ABLIM2: variants seen among roughly 807,000 people sequenced by gnomAD.
ABLIM2 encodes actin-binding LIM protein 2.
In ABLIM2, 53 loss-of-function variants were observed where a neutral mutation model predicts 97.7. The ratio of observed to expected loss-of-function variants is 0.54; its 90% CI spans 0.44 to 0.68. The LOEUF (loss-of-function observed/expected upper bound fraction) is 0.68. Among genes scored for constraint, ABLIM2 ranks in the 30% least tolerant of loss-of-function variants. The pLI is 0.00. For synonymous variants in ABLIM2, 361 were observed against 345.8 expected (o/e 1.04, Z -0.49); for missense variants, 835 against 867.2 (o/e 0.96, Z 0.47).
At chr4:8,030,917 C>T (rs544706134) in intron 10 of ABLIM2, among the ~76,000 whole-genome samples, 45 of 152,262 alleles carry the variant, frequency 3.0e-4, no homozygotes, top group African/African-American at 1.1e-3. Context: ...CATGTTCTTC[C>T]AGCAGAACAG....
In ABLIM2 at chr4:8,033,480, C is replaced by T. The variant is rs892143645; in HGVS notation, c.1047+2669G>A. Among the ~76,000 whole-genome samples, 5 of 152,230 alleles carry T rather than the reference C, an allele frequency of 3.3e-5. No homozygotes were observed. The highest frequency in any genetic ancestry group is 5.9e-5 in the Non-Finnish European group (4 of 68,036). ...AAACCCTCAGGCTGCTCCCGGCCAT[C>T]GGCATAGAGGAAGCTCTGTATGGAC... On this transcript the variant is annotated intron_variant, in intron 10 of 20. Transcript: ENST00000447017. The surrounding 1 kb of genome is among the most constrained non-coding windows in gnomAD (Gnocchi z 4.5).
rs1011013739 is a variant in ABLIM2 at position 8,069,998 on chromosome 4, C to T, written c.675+7630G>A. Among the ~76,000 whole-genome samples the T allele has an allele frequency of 6.6e-6, 1 of 151,828 alleles. No homozygotes were observed. The highest frequency in any genetic ancestry group is 2.4e-5 in the African/African-American group (1 of 41,310). On this transcript the variant is annotated intron_variant, in intron 6 of 20. Coordinates refer to ENST00000447017, the MANE Select transcript of ABLIM2 (RefSeq NM_001130083.2). The surrounding 1 kb of genome is among the most constrained non-coding windows in gnomAD (Gnocchi z 4.2). ...TGCACGTCTTGTATGTGTATGTGAT[C>T]TGTGTGTCCTTTTGTGTGTTTGTGT... is the stretch of plus-strand genomic sequence containing the variant.
In ABLIM2 at chr4:8,130,060, G is replaced by A. The variant is rs931336962; in HGVS notation, c.11-23423C>T. On this transcript the variant is annotated intron_variant, in intron 1 of 20. Coordinates refer to ENST00000447017, the MANE Select transcript of ABLIM2 (RefSeq NM_001130083.2). The surrounding 1 kb of genome is among the most constrained non-coding windows in gnomAD (Gnocchi z 4.2). ...GGGTTCCCACGGAGAAGGAGCCTCA[G>A]ATTCCCCTGGCCTCCAGCCTGCTGT... Among the ~76,000 whole-genome samples the A allele has an allele frequency of 1.1e-4, 16 of 152,238 alleles. No individual in the cohort carries two copies. Among genetic ancestry groups the A allele is most frequent in the African/African-American group, 3.9e-4 (16 of 41,466 alleles).
chr4:8,071,952 G>C lies in ABLIM2; in HGVS notation c.675+5676C>G. On this transcript the variant is annotated intron_variant, in intron 6 of 20. Coordinates refer to ENST00000447017, the MANE Select transcript of ABLIM2 (RefSeq NM_001130083.2). The surrounding 1 kb of genome is among the most constrained non-coding windows in gnomAD (Gnocchi z 6.2). ...CACCGGCACACTGGGCCGAGCATCA[G>C]GCAGTGCCACCGCGGCGGCGGCAGC... The C allele has an allele frequency of 1.0e-6, 1 of 985,494 alleles. No homozygotes were observed. The highest frequency in any genetic ancestry group is 1.2e-6 in the Non-Finnish European group (1 of 830,004). 61.0% of individuals were successfully genotyped at this position (985,494 alleles called of 1,614,324 possible).
Position 8,027,754 on chromosome 4 carries a change from C to T in ABLIM2, c.1267+5G>A. On this transcript the variant is annotated splice_donor_5th_base_variant and intron_variant, in intron 12 of 20. Transcript: ENST00000447017. ...ACCCACAGCCCACATCACTGCGTGC[C>T]TTACCTCGGAAGTAGGGGATGTAAT... The T allele has an allele frequency of 6.3e-7, 1 of 1,575,690 alleles. No homozygotes were observed. Among genetic ancestry groups the T allele is most frequent in the East Asian group, 2.4e-5 (1 of 42,134 alleles).
intron 12 of ABLIM2, 40 bp downstream of exon 12, chr4:8,027,719 A>T: frequency 6.9e-7 from 1 of 1,448,582 alleles, no homozygotes; most frequent in South Asian, 1.4e-5. Context: ...GGGCGTGGAC[A>T]CCCATGAGCA....
chr4:8,022,098 C>T lies in ABLIM2; in HGVS notation c.1268-1795G>A, dbSNP rs62290635. ...GACTACGGCTGTGCTGGACCCATCCCCACTGGCAGCAAAACAGGGCAGGTT... is the reference window on the plus strand; with the variant it reads ...GACTACGGCTGTGCTGGACCCATCCTCACTGGCAGCAAAACAGGGCAGGTT... On this transcript the variant is annotated intron_variant, in intron 12 of 20. Coordinates refer to ENST00000447017, the MANE Select transcript of ABLIM2 (RefSeq NM_001130083.2). This position sits in a 1 kb window ranked among gnomAD's most constrained non-coding sequence, Gnocchi z 7.8. Among the ~76,000 whole-genome samples the T allele has an allele frequency of 0.21, 31,741 of 152,098 alleles. 4,078 individuals carry two copies. Among genetic ancestry groups the T allele is most frequent in the Non-Finnish European group, 0.3 (20,455 of 67,922 alleles).
At chr4:8,156,341 TG>T (rs1343072417) in intron 1 of ABLIM2, among the ~76,000 whole-genome samples, 1 of 152,132 alleles carries the variant, frequency 6.6e-6, no homozygotes, top group Non-Finnish European at 1.5e-5. Flanking sequence ...GCCATACTAC[TG>T]GGGAAACTGA....
rs1274331755 is a variant in ABLIM2 at position 8,003,560 on chromosome 4, T to C, written c.1618+4499A>G. On this transcript the variant is annotated intron_variant, in intron 16 of 20. Coordinates refer to ENST00000447017, the MANE Select transcript of ABLIM2 (RefSeq NM_001130083.2). This position sits in a 1 kb window ranked among gnomAD's most constrained non-coding sequence, Gnocchi z 4.2. ...GACCACTACGCTCTTCTTCCAGTTT[T>C]CTTTTTTTTTTTTTTTTTTTTTGGA... 1.3e-5 allele frequency among the ~76,000 whole-genome samples: 2 copies of C among 149,556 alleles called. No homozygotes were observed. Among genetic ancestry groups the C allele is most frequent in the African/African-American group, 4.9e-5 (2 of 40,604 alleles).
rs1711543325 is a variant in ABLIM2 at position 8,148,756 on chromosome 4, A to G, written c.10+9924T>C. On this transcript the variant is annotated intron_variant, in intron 1 of 20. Coordinates refer to ENST00000447017, the MANE Select transcript of ABLIM2 (RefSeq NM_001130083.2). The surrounding 1 kb of genome is among the most constrained non-coding windows in gnomAD (Gnocchi z 6.7). ...CAGAGTCGGAAAGATCCTCTAGGAC[A>G]AGCCCAACCCCAACAGAGATGAGGA... Among the ~76,000 whole-genome samples, 1 of 152,184 alleles carries G rather than the reference A, an allele frequency of 6.6e-6. No individual in the cohort carries two copies. Among genetic ancestry groups the G allele is most frequent in the Non-Finnish European group, 1.5e-5 (1 of 68,020 alleles).
chr4:8,117,661 T>TG (rs1350908061), intron 1 of ABLIM2, among the ~76,000 whole-genome samples: 1 of 150,480 alleles, frequency 6.6e-6, no homozygotes, highest in African/African-American at 2.4e-5. Context: ...CCCCAAAGAC[T>TG]GCTTCTTCTC....
rs549852289 is a variant in ABLIM2, at chr4:7,999,133, T to C, written c.1619-6206A>G. 3.5e-4 allele frequency among the ~76,000 whole-genome samples: 54 copies of C among 152,308 alleles called. No homozygotes were observed. Among genetic ancestry groups the C allele is most frequent in the African/African-American group, 1.2e-3 (51 of 41,562 alleles). ...CGGGCTGGAGTACAATGGCGTGATC[T>C]TGGCTCACTGCAACCTCCTGGGTTC... On this transcript the variant is annotated intron_variant, in intron 16 of 20. Transcript: ENST00000447017. The surrounding 1 kb of genome is among the most constrained non-coding windows in gnomAD (Gnocchi z 4.4).
intron 8 of ABLIM2, among the ~76,000 whole-genome samples, chr4:8,045,465 A>G (rs370419075): frequency 2.9e-4 from 44 of 152,338 alleles, no homozygotes; most frequent in East Asian, 9.7e-4. Context: ...TCTGACCAAC[A>G]TGGTGAAACC....
intron 18 of ABLIM2, among the ~76,000 whole-genome samples, chr4:7,984,038 G>A (rs570212055): frequency 6.6e-6 from 1 of 152,306 alleles, no homozygotes; most frequent in South Asian, 2.1e-4. Context: ...GCCCCCTAAT[G>A]TCTTACTTCC....
rs779636454 is a variant in ABLIM2 at position 8,077,702 on chromosome 4, C to T, written c.601G>A (p.Glu201Lys). 15 of 1,612,510 alleles carry T rather than the reference C, an allele frequency of 9.3e-6. No individual in the cohort carries two copies. Among genetic ancestry groups the T allele is most frequent in the East Asian group, 2.2e-5 (1 of 44,842 alleles). Residue 201 changes from glutamate (E) to lysine (K), a missense_variant, in exon 6 of 21, where the codon GAA becomes AAA. Physicochemically the swap from Glu to Lys is moderately conservative, Grantham distance 56 (BLOSUM62 1). Transcript: ENST00000447017. ...YISKDGLPYC[E>K]ADYHAKFGIR... The stretch of plus-strand genomic sequence containing the variant: ...CCGAACTTGGCGTGATAGTCAGCTT[C>T]GCAGTAGGGCAGCCCATCCCTGCAA...
chr4:7,993,204 G>A (rs576584159), intron 16 of ABLIM2, among the ~76,000 whole-genome samples: 22 of 152,348 alleles, frequency 1.4e-4, no homozygotes, highest in Non-Finnish European at 2.9e-4. Flanking sequence ...GGACAGGCTC[G>A]GGCCTGGGCA....
intron 4 of ABLIM2, among the ~76,000 whole-genome samples, chr4:8,086,593 C>A (rs552133929): frequency 6.6e-6 from 1 of 152,118 alleles, no homozygotes; most frequent in Admixed American, 6.5e-5. Context: ...GATCCACCCG[C>A]CCCGGCCTCC....
chr4:8,116,128 T>G (rs927786145), intron 1 of ABLIM2, among the ~76,000 whole-genome samples: 1 of 152,346 alleles, frequency 6.6e-6, no homozygotes, highest in African/African-American at 2.4e-5. Flanking sequence ...GCATACCCAC[T>G]GTGCCCTTTC....
At chr4:8,081,579 T>C (rs1475899502) in intron 4 of ABLIM2, among the ~76,000 whole-genome samples, 1 of 152,190 alleles carries the variant, frequency 6.6e-6, no homozygotes, top group East Asian at 1.9e-4. Flanking sequence ...TGCACGAGCC[T>C]GAGCGGGGTG....
Sources: gnomAD v4.1 joint callset for allele counts (sites outside exome capture counted in the v4.1 genomes callset) on GRCh38, gnomAD v4.1.1 for gene constraint, Gnocchi (gnomAD v3.1) non-coding constraint, MANE v1.5 for transcripts, NCBI Gene and HGNC (gene_info 2026-07-23, HGNC 2026-07-21) for gene names.